Variants in TMEFF1 observed in about 807,000 individuals in gnomAD.
TMEFF1 encodes the protein transmembrane protein with EGF like and two follistatin like domains 1, also known as tomoregulin-1.
Under a neutral mutation model 47.5 loss-of-function variants are expected in TMEFF1, and 20 were observed. The ratio of observed to expected loss-of-function variants is 0.42; its 90% confidence interval spans 0.30 to 0.61. The LOEUF (loss-of-function observed/expected upper bound fraction) is 0.61, where lower values mean the gene tolerates loss of function less well. TMEFF1 is among the 20% of genes least tolerant of loss of function. The pLI, the probability that TMEFF1 is intolerant of heterozygous loss-of-function variation, is 0.19. For missense variants in TMEFF1, 411 were observed against 471.1 expected (o/e 0.87, Z 1.18); for synonymous variants, 162 against 166.3 (o/e 0.97, Z 0.20).
intron 2 of TMEFF1, among the ~76,000 whole-genome samples, chr9:100,503,858 C>T (rs1479411095): frequency 1.3e-5 from 2 of 152,198 alleles, no homozygotes; most frequent in Non-Finnish European, 2.9e-5. Context: ...AAATATTAAT[C>T]TCATCTAGAA....
At chr9:100,533,501 A>G (rs183247151) in intron 5 of TMEFF1, among the ~76,000 whole-genome samples, 21 of 152,194 alleles carry the variant, frequency 1.4e-4, no homozygotes, top group Admixed American at 1.4e-3. Context: ...ACTGCTTTTT[A>G]TCTTTTTCTC....
chr9:100,538,307 C>T (rs1195881266), intron 5 of TMEFF1, among the ~76,000 whole-genome samples: 2 of 152,206 alleles, frequency 1.3e-5, no homozygotes, highest in East Asian at 1.9e-4. Context: ...CCACCCGCCT[C>T]GGCCTCCCAA....
At chr9:100,569,925 A>G (rs774692978) in intron 8 of TMEFF1, among the ~76,000 whole-genome samples, 3 of 152,094 alleles carry the variant, frequency 2.0e-5, no homozygotes, top group Non-Finnish European at 4.4e-5. Context: ...CCCCTGACCA[A>G]CATGTCCTCA....
rs184116355 is a variant in TMEFF1 at position 100,526,938 on chromosome 9, T to C, written c.560+10167T>C. Among the ~76,000 whole-genome samples, 752 of 123,476 alleles carry C rather than the reference T, an allele frequency of 6.1e-3. 8 individuals carry two copies. Among genetic ancestry groups the C allele is most frequent in the African/African-American group, 0.024 (726 of 30,476 alleles). 81.0% of individuals were successfully genotyped at this position (123,476 alleles called of 152,430 possible). A position where few individuals can be genotyped will look rare whatever the true frequency, so the allele number is the denominator to read the frequency against. ...CAGCCTGGGCAACATGGTGAAACCC[T>C]GTCTCTGCTAAAAATACAAAAAAAA... On this transcript the variant is annotated intron_variant, in intron 5 of 9. Coordinates refer to ENST00000374879, the MANE Select transcript of TMEFF1 (RefSeq NM_003692.5).
intron 4 of TMEFF1, among the ~76,000 whole-genome samples, chr9:100,515,925 T>C (rs1838063306): frequency 6.6e-6 from 1 of 152,206 alleles, no homozygotes; most frequent in African/African-American, 2.4e-5. Flanking sequence ...CCTGGCCAGT[T>C]TGAGATTATC....
chr9:100,535,645 C>G (rs1838488658), intron 5 of TMEFF1, among the ~76,000 whole-genome samples: 1 of 152,184 alleles, frequency 6.6e-6, no homozygotes, highest in African/African-American at 2.4e-5. Flanking sequence ...ATGGCATGTG[C>G]CTGTAATCTT....
chr9:100,534,505 T>A (rs1237110337), intron 5 of TMEFF1, among the ~76,000 whole-genome samples: 1 of 152,242 alleles, frequency 6.6e-6, no homozygotes, highest in African/African-American at 2.4e-5. Flanking sequence ...CATCCTGACC[T>A]CTGCTACGCT....
At chr9:100,509,705 T>C (rs1587828262) in intron 3 of TMEFF1, among the ~76,000 whole-genome samples, 1 of 145,268 alleles carries the variant, frequency 6.9e-6, no homozygotes, top group Non-Finnish European at 1.5e-5. Flanking sequence ...ACCCAGGAGG[T>C]GGAGCTTGCA....
At chr9:100,534,972 A>G (rs1838474921) in intron 5 of TMEFF1, among the ~76,000 whole-genome samples, 3 of 152,200 alleles carry the variant, frequency 2.0e-5, no homozygotes, top group South Asian at 2.1e-4. Context: ...GATGGTAAAT[A>G]TATCAGGCTT....
intron 1 of TMEFF1, among the ~76,000 whole-genome samples, chr9:100,496,126 T>A (rs1490221437): frequency 6.6e-6 from 1 of 152,264 alleles, no homozygotes; most frequent in African/African-American, 2.4e-5. Context: ...CTTTAGTTTC[T>A]TTGTTGTAGC....
intron 2 of TMEFF1, 134 bp from the exon 3 acceptor site, chr9:100,508,871 C>CAAA (rs35051442): frequency 5.3e-4 from 516 of 973,208 alleles, no homozygotes; most frequent in South Asian, 5.6e-4. Context: ...CTTTTTAAGC[C>CAAA]AAAAAAAAAA....
chr9:100,525,441 A>G (rs1838236815), intron 5 of TMEFF1, among the ~76,000 whole-genome samples: 1 of 152,246 alleles, frequency 6.6e-6, no homozygotes, highest in South Asian at 2.1e-4. Flanking sequence ...AAGGATACAA[A>G]TGATCAGCCA....
At chr9:100,520,433 A>T (rs941737042) in intron 5 of TMEFF1, among the ~76,000 whole-genome samples, 1 of 152,226 alleles carries the variant, frequency 6.6e-6, no homozygotes. Context: ...AGCAGCTAAA[A>T]TCTTTCTCTT....
chr9:100,571,778 G>A (rs1839243913), intron 8 of TMEFF1, among the ~76,000 whole-genome samples: 1 of 152,146 alleles, frequency 6.6e-6, no homozygotes, highest in Admixed American at 6.5e-5. Flanking sequence ...ATTGGTGGGA[G>A]CTCTGAGCTT....
At chr9:100,532,442 T>G (rs904686330) in intron 5 of TMEFF1, among the ~76,000 whole-genome samples, 1 of 151,842 alleles carries the variant, frequency 6.6e-6, no homozygotes, top group African/African-American at 2.4e-5. Flanking sequence ...TGAACAGACA[T>G]TTCTCAAAAG....
At chr9:100,557,627 C>A in intron 7 of TMEFF1, among the ~76,000 whole-genome samples, 1 of 152,120 alleles carries the variant, frequency 6.6e-6, no homozygotes, top group East Asian at 1.9e-4. Context: ...TAAGTCCTAC[C>A]CTATCAATAA....
At chr9:100,484,610 C>T (rs1221743516) in intron 1 of TMEFF1, among the ~76,000 whole-genome samples, 13 of 151,102 alleles carry the variant, frequency 8.6e-5, no homozygotes, top group East Asian at 5.9e-4. Context: ...TGAGCCGCCG[C>T]GCCTGGCCAA....
intron 5 of TMEFF1, among the ~76,000 whole-genome samples, chr9:100,531,940 A>G (rs1426155857): frequency 1.3e-5 from 2 of 150,226 alleles, no homozygotes; most frequent in Non-Finnish European, 3.0e-5. Flanking sequence ...AACGCCGCAT[A>G]TCTACAACTA....
chr9:100,523,355 CT>C (rs1564017377), intron 5 of TMEFF1, among the ~76,000 whole-genome samples: 1 of 152,180 alleles, frequency 6.6e-6, no homozygotes, highest in Non-Finnish European at 1.5e-5. Flanking sequence ...CCTCCTTGGT[CT>C]TGAAAAAGCA....
Sources: gnomAD v4.1 joint callset for allele counts (sites outside exome capture counted in the v4.1 genomes callset) on GRCh38, gnomAD v4.1.1 for gene constraint, MANE v1.5 for transcripts, NCBI Gene and HGNC (gene_info 2026-07-23, HGNC 2026-07-21) for gene names.